LINGO2: variants seen among roughly 807,000 people sequenced by gnomAD.
The protein encoded by LINGO2 is leucine-rich repeat and immunoglobulin-like domain-containing nogo receptor-interacting protein 2.
LINGO2 carries 14 observed loss-of-function variants against 30.6 expected under a neutral mutation model. The ratio of observed to expected loss-of-function variants is 0.46; its 90% confidence interval spans 0.30 to 0.72. LINGO2 has a LOEUF of 0.72. LINGO2 is among the 30% of genes least tolerant of loss of function. The pLI is 0.07. For missense variants in LINGO2, 729 were observed against 751.7 expected (o/e 0.97, Z 0.35); for synonymous variants, 317 against 288.5 (o/e 1.10, Z -1.00).
At chr9:28,881,929 T>A in the LINGO2 span, among the ~76,000 whole-genome samples, 2 of 152,338 alleles carry the variant, frequency 1.3e-5, no homozygotes, top group African/African-American at 4.8e-5. Context: ...TTTTCTTATG[T>A]TAACTATTGT....
chr9:28,512,212 G>C (rs1820416304), intron 1 of LINGO2, among the ~76,000 whole-genome samples: 2 of 152,080 alleles, frequency 1.3e-5, no homozygotes, highest in Non-Finnish European at 2.9e-5. Context: ...GTTCACGGTA[G>C]GCAGTTCAGG....
chr9:28,822,132 A>C, the LINGO2 span, among the ~76,000 whole-genome samples: 1 of 152,088 alleles, frequency 6.6e-6, no homozygotes, highest in Non-Finnish European at 1.5e-5. Context: ...CTCCAGTCCC[A>C]TGGAAGCCAA....
the LINGO2 span, among the ~76,000 whole-genome samples, chr9:28,707,229 C>A: frequency 6.6e-6 from 1 of 152,032 alleles, no homozygotes; most frequent in African/African-American, 2.4e-5. Context: ...ATTACATCTT[C>A]CAGACAATTA....
chr9:28,565,718 AT>A lies in LINGO2; in HGVS notation c.-364-89694del, dbSNP rs938140034. Among the ~76,000 whole-genome samples, 4 of 146,330 alleles carry A rather than the reference AT, an allele frequency of 2.7e-5. No homozygotes were observed. In the East Asian group the frequency reaches 6.3e-4, roughly 23 times the overall value. On this transcript the variant is annotated intron_variant, in intron 1 of 5. Coordinates refer to ENST00000379992, the Ensembl canonical transcript of LINGO2. Reference sequence around the variant, plus strand: ...AGGCGCCCACCACCACGCCCACCTAATTTTTTTTGTATTTTTTAGTAGAGAC... The same window carrying A: ...AGGCGCCCACCACCACGCCCACCTAATTTTTTTGTATTTTTTAGTAGAGAC...
chr9:28,825,024 A>G, the LINGO2 span, among the ~76,000 whole-genome samples: 1 of 152,164 alleles, frequency 6.6e-6, no homozygotes, highest in African/African-American at 2.4e-5. Context: ...CATGCATATT[A>G]ATGGTTACTC....
chr9:29,095,413 G>T, the LINGO2 span, among the ~76,000 whole-genome samples: 1 of 136,710 alleles, frequency 7.3e-6, no homozygotes, highest in East Asian at 2.5e-4. Flanking sequence ...AAATTTGAAG[G>T]TCTCAGGATA....
chr9:28,797,274 C>T, the LINGO2 span, among the ~76,000 whole-genome samples: 1 of 134,678 alleles, frequency 7.4e-6, no homozygotes, highest in Admixed American at 7.8e-5. Flanking sequence ...GAATTCATAT[C>T]TATATGAATA....
At chr9:29,132,669 G>A in the LINGO2 span, among the ~76,000 whole-genome samples, 5 of 152,106 alleles carry the variant, frequency 3.3e-5, no homozygotes, top group African/African-American at 7.2e-5. Flanking sequence ...TCATTCTTTC[G>A]TTGCTTTGTT....
chr9:29,077,234 C>A, the LINGO2 span, among the ~76,000 whole-genome samples: 3 of 151,470 alleles, frequency 2.0e-5, no homozygotes, highest in Admixed American at 2.0e-4. Flanking sequence ...AATAAATTGA[C>A]TTCATGATTA....
At chr9:28,045,314 CTT>C (rs1313527076) in intron 4 of LINGO2, among the ~76,000 whole-genome samples, 3 of 151,300 alleles carry the variant, frequency 2.0e-5, no homozygotes, top group African/African-American at 4.9e-5. Context: ...GAGAGTTAAA[CTT>C]TGAGTATTTT....
At chr9:28,909,027 GAAAC>G in the LINGO2 span, among the ~76,000 whole-genome samples, 2 of 151,896 alleles carry the variant, frequency 1.3e-5, no homozygotes, top group Non-Finnish European at 2.9e-5. Context: ...ACAGGAATAA[GAAAC>G]AAACAAATAA....
intron 1 of LINGO2, among the ~76,000 whole-genome samples, chr9:28,647,098 T>C (rs925595260): frequency 6.6e-6 from 1 of 152,122 alleles, no homozygotes; most frequent in Non-Finnish European, 1.5e-5. Flanking sequence ...CCTTTGCCAC[T>C]GCTGCCTCTA....
intron 1 of LINGO2, among the ~76,000 whole-genome samples, chr9:28,598,444 CA>C (rs1377637666): frequency 7.3e-6 from 1 of 136,282 alleles, no homozygotes; most frequent in Non-Finnish European, 1.6e-5. Flanking sequence ...ACAAAACAAA[CA>C]AACAAACAAA....
the LINGO2 span, among the ~76,000 whole-genome samples, chr9:29,051,160 CA>C: frequency 6.6e-6 from 1 of 152,106 alleles, no homozygotes; most frequent in Non-Finnish European, 1.5e-5. Context: ...CCAAAAAGCC[CA>C]TAGTTTACAC....
At chr9:28,917,683 T>C in the LINGO2 span, among the ~76,000 whole-genome samples, 1 of 152,098 alleles carries the variant, frequency 6.6e-6, no homozygotes, top group Non-Finnish European at 1.5e-5. Context: ...GAAGCAGTGA[T>C]TTACATTTTC....
chr9:28,965,776 C>G, the LINGO2 span, among the ~76,000 whole-genome samples: 1 of 152,018 alleles, frequency 6.6e-6, no homozygotes, highest in East Asian at 1.9e-4. Context: ...AATGATTGAT[C>G]TCCACTGATC....
the LINGO2 span, among the ~76,000 whole-genome samples, chr9:29,213,539 G>A: frequency 6.6e-6 from 1 of 152,078 alleles, no homozygotes; most frequent in Admixed American, 6.5e-5. Flanking sequence ...CTGCAAGGCG[G>A]GACGCAGGAT....
the LINGO2 span, among the ~76,000 whole-genome samples, chr9:28,973,093 C>G: frequency 1.3e-5 from 2 of 152,004 alleles, no homozygotes; most frequent in Admixed American, 1.3e-4. Context: ...GGGAGGTAGA[C>G]AAGGACATAG....
chr9:28,609,857 G>T (rs1825843325), intron 1 of LINGO2, among the ~76,000 whole-genome samples: 1 of 152,050 alleles, frequency 6.6e-6, no homozygotes, highest in South Asian at 2.1e-4. Flanking sequence ...CCTTCAATAT[G>T]AAAATGACTA....
Sources: allele counts gnomAD v4.1 joint callset (sites outside exome capture counted in the v4.1 genomes callset), GRCh38; gene constraint gnomAD v4.1.1; transcripts MANE v1.5; gene names NCBI Gene and HGNC (gene_info 2026-07-23, HGNC 2026-07-21).